ELMO1: variants seen among roughly 807,000 people sequenced by gnomAD.
The protein encoded by ELMO1 is engulfment and cell motility 1.
ELMO1 carries 26 observed loss-of-function variants against 98.9 expected under a neutral mutation model. That is an observed-to-expected ratio of 0.26 (90% confidence interval 0.19 to 0.36). The LOEUF is 0.36. ELMO1 is among the 10% of genes least tolerant of loss of function. The pLI, the probability that ELMO1 is intolerant of heterozygous loss-of-function variation, is 1.00. For missense variants in ELMO1, 627 were observed against 935.2 expected (o/e 0.67, Z 4.30); for synonymous variants, 346 against 346.0 (o/e 1.00, Z 0.00).
chr7:36,928,611 CTGTT>C (rs1785772204), intron 16 of ELMO1, among the ~76,000 whole-genome samples: 1 of 152,190 alleles, frequency 6.6e-6, no homozygotes, highest in African/African-American at 2.4e-5. Context: ...ATTTCAGGCT[CTGTT>C]TGGTTCCCAC....
intron 13 of ELMO1, among the ~76,000 whole-genome samples, chr7:37,160,525 G>C (rs1028177445): frequency 1.3e-5 from 2 of 152,114 alleles, no homozygotes; most frequent in African/African-American, 2.4e-5. Flanking sequence ...AGCTTTTGCT[G>C]GCTTCTCATG....
At chr7:37,143,448 C>T (rs956344831) in intron 13 of ELMO1, among the ~76,000 whole-genome samples, 1 of 152,124 alleles carries the variant, frequency 6.6e-6, no homozygotes, top group East Asian at 1.9e-4. Context: ...GCTCTGTCAC[C>T]CAGGCTGGAG....
intron 16 of ELMO1, among the ~76,000 whole-genome samples, chr7:36,901,437 C>T (rs1313674552): frequency 3.9e-5 from 6 of 152,318 alleles, no homozygotes; most frequent in Middle Eastern, 3.4e-3. Flanking sequence ...GCTGCAATTA[C>T]TCAAGCCTAC....
intron 15 of ELMO1, among the ~76,000 whole-genome samples, chr7:37,034,735 T>C (rs915457524): frequency 1.3e-5 from 2 of 152,174 alleles, no homozygotes; most frequent in African/African-American, 2.4e-5. Context: ...TTCAGTTTCT[T>C]TGATTTTGAA....
chr7:37,396,849 A>T lies in ELMO1; in HGVS notation c.-74+51826T>A, dbSNP rs144001087. On this transcript the variant is annotated intron_variant, in intron 1 of 21. Coordinates refer to ENST00000310758, the MANE Select transcript of ELMO1 (RefSeq NM_014800.11). ...GCATCACAGGAGTTCAATAAGTGTT[A>T]GCCAGAAATTAGTGATTCTGAAATT... 3.5e-3 allele frequency among the ~76,000 whole-genome samples: 529 copies of T among 152,376 alleles called. 3 individuals carry two copies. The highest frequency in any genetic ancestry group is 0.012 in the African/African-American group (511 of 41,588).
At chr7:37,313,331 C>T (rs1007853756) in intron 4 of ELMO1, among the ~76,000 whole-genome samples, 1 of 152,116 alleles carries the variant, frequency 6.6e-6, no homozygotes, top group Non-Finnish European at 1.5e-5. Context: ...TCCAAGTGAT[C>T]CTCCCACCTC....
At chr7:36,912,365 T>C (rs1009244082) in intron 16 of ELMO1, among the ~76,000 whole-genome samples, 7 of 152,178 alleles carry the variant, frequency 4.6e-5, no homozygotes, top group African/African-American at 1.7e-4. Flanking sequence ...GGAATGCCCA[T>C]GCTTAGGATG....
chr7:37,105,780 T>G (rs12111594), intron 14 of ELMO1, among the ~76,000 whole-genome samples: 4,673 of 152,288 alleles, frequency 0.031, 227 homozygotes, highest in African/African-American at 0.11. Flanking sequence ...TTTTGGTTTG[T>G]TTTGTTTTTC....
intron 1 of ELMO1, among the ~76,000 whole-genome samples, chr7:37,443,161 T>A (rs1805477631): frequency 6.6e-6 from 1 of 152,192 alleles, no homozygotes; most frequent in African/African-American, 2.4e-5. Context: ...CTTACCTGAT[T>A]TTCATTCCCT....
chr7:37,119,781 A>G lies in ELMO1; in HGVS notation c.1191+13349T>C, dbSNP rs1785877114. On this transcript the variant is annotated intron_variant, in intron 14 of 21. Transcript: ENST00000310758. ...ACAACTGCACGAAAACATTGTGATTAATCTTATTTTTAAAGGCATTTCTAT... is the reference window on the plus strand; with the variant it reads ...ACAACTGCACGAAAACATTGTGATTGATCTTATTTTTAAAGGCATTTCTAT... Among the ~76,000 whole-genome samples the G allele has an allele frequency of 2.0e-5, 3 of 152,160 alleles. No individual in the cohort carries two copies. The South Asian group carries it at 6.2e-4, about 32-fold the overall frequency.
At chr7:37,323,637 A>G (rs1228351430) in intron 2 of ELMO1, among the ~76,000 whole-genome samples, 1 of 152,132 alleles carries the variant, frequency 6.6e-6, no homozygotes, top group Non-Finnish European at 1.5e-5. Context: ...AAAAAAACAA[A>G]AGCTAGATTA....
intron 2 of ELMO1, among the ~76,000 whole-genome samples, chr7:37,320,729 G>A (rs1165170009): frequency 2.0e-5 from 3 of 152,022 alleles, no homozygotes; most frequent in African/African-American, 7.2e-5. Flanking sequence ...AGTTACCACA[G>A]TATGTAGGTG....
Position 37,364,583 on chromosome 7 carries a change from A to ATTTT in ELMO1, c.-73-21824_-73-21821dup, listed in dbSNP as rs34314377. The stretch of plus-strand genomic sequence containing the variant: ...GCTTTAATGCTTTAATGCTGGCTTA[A>ATTTT]TTTTTTTTTTTTTCAGAATACTTAC... On this transcript the variant is annotated intron_variant, in intron 1 of 21. Coordinates refer to ENST00000310758, the MANE Select transcript of ELMO1 (RefSeq NM_014800.11). Among the ~76,000 whole-genome samples, 1,173 of 148,888 alleles carry ATTTT rather than the reference A, an allele frequency of 7.9e-3. 7 individuals carry two copies. Among genetic ancestry groups the ATTTT allele is most frequent in the African/African-American group, 0.019 (783 of 40,570 alleles).
At position 37,055,089 on chromosome 7, in the gene ELMO1, T is replaced by G. The variant is rs150980015; in HGVS notation, c.1300+41530A>C. On this transcript the variant is annotated intron_variant, in intron 15 of 21. Transcript: ENST00000310758. ...CTACATCCACGTCTCCCTTCAGCCATGTCAAAAAGCGGTTGTGACTCATCC... is the reference window on the plus strand; with the variant it reads ...CTACATCCACGTCTCCCTTCAGCCAGGTCAAAAAGCGGTTGTGACTCATCC... Among the ~76,000 whole-genome samples the G allele has an allele frequency of 9.0e-3, 1,364 of 152,316 alleles. 6 individuals are homozygous for G. The highest frequency in any genetic ancestry group is 0.014 in the Middle Eastern group (4 of 294).
intron 14 of ELMO1, among the ~76,000 whole-genome samples, chr7:37,126,496 A>C (rs1786533732): frequency 6.6e-6 from 1 of 151,990 alleles, no homozygotes; most frequent in African/African-American, 2.4e-5. Context: ...AGCCTAAGTG[A>C]TTCTGATATA....
chr7:37,267,538 T>C (rs1416805076), intron 5 of ELMO1, among the ~76,000 whole-genome samples: 1 of 152,246 alleles, frequency 6.6e-6, no homozygotes, highest in Non-Finnish European at 1.5e-5. Context: ...GACAAAGGTA[T>C]ATGTATTTTA....
chr7:37,209,195 G>T (rs1792820918), intron 13 of ELMO1, among the ~76,000 whole-genome samples: 1 of 151,970 alleles, frequency 6.6e-6, no homozygotes, highest in African/African-American at 2.4e-5. Flanking sequence ...ATAAGAACAG[G>T]GTCTGAAAAT....
chr7:37,016,715 A>T (rs1793962070), intron 15 of ELMO1, among the ~76,000 whole-genome samples: 1 of 152,198 alleles, frequency 6.6e-6, no homozygotes, highest in Non-Finnish European at 1.5e-5. Context: ...CCGGGCACTG[A>T]ATGATGGACT....
intron 1 of ELMO1, among the ~76,000 whole-genome samples, chr7:37,345,718 G>A (rs989613628): frequency 2.0e-5 from 3 of 151,482 alleles, no homozygotes; most frequent in African/African-American, 7.3e-5. Context: ...AGCCGGGTGT[G>A]GTGGCTCACA....
Sources: allele counts gnomAD v4.1 joint callset (sites outside exome capture counted in the v4.1 genomes callset), GRCh38; gene constraint gnomAD v4.1.1; transcripts MANE v1.5; gene names NCBI Gene and HGNC (gene_info 2026-07-23, HGNC 2026-07-21).